The following N4BP2L2 variants were observed in gnomAD, a reference collection of about 807,000 sequenced individuals.
N4BP2L2 encodes the protein NEDD4 binding protein 2 like 2, also known as NEDD4-binding protein 2-like 2.
In N4BP2L2, 50 loss-of-function variants were observed where a neutral mutation model predicts 56.2. The ratio of observed to expected loss-of-function variants is 0.89; its 90% confidence interval spans 0.71 to 1.13. N4BP2L2 has a LOEUF of 1.13. N4BP2L2 is among the 50% of genes most tolerant of loss of function. The probability of loss-of-function intolerance (pLI) is 0.00; values close to 1 mark genes in which losing one functional copy is unlikely to be tolerated. For missense variants in N4BP2L2, 689 were observed against 693.8 expected (o/e 0.99, Z 0.08); for synonymous variants, 203 against 223.6 (o/e 0.91, Z 0.82).
At chr13:32,529,532 T>C (rs2054023946) in intron 2 of N4BP2L2, among the ~76,000 whole-genome samples, 1 of 152,216 alleles carries the variant, frequency 6.6e-6, no homozygotes, top group Non-Finnish European at 1.5e-5. Flanking sequence ...ATTAGCATTC[T>C]AAAGCAAAAC....
chr13:32,444,553 C>T (rs2076758049), intron 6 of N4BP2L2, among the ~76,000 whole-genome samples: 1 of 152,136 alleles, frequency 6.6e-6, no homozygotes, highest in South Asian at 2.1e-4. Context: ...AGGCATGAGC[C>T]ACTGCGCTGG....
chr13:32,454,234 G>A (rs1203150104), intron 6 of N4BP2L2, among the ~76,000 whole-genome samples: 1 of 152,124 alleles, frequency 6.6e-6, no homozygotes, highest in Non-Finnish European at 1.5e-5. Context: ...ACACAAAGAT[G>A]GAGCATTTTT....
intron 6 of N4BP2L2, among the ~76,000 whole-genome samples, chr13:32,497,864 CCAAA>C (rs1183535923): frequency 2.6e-5 from 4 of 152,176 alleles, no homozygotes; most frequent in African/African-American, 9.7e-5. Context: ...ATGCTGCACA[CCAAA>C]CAGTGCTACT....
chr13:32,481,918 G>T (rs1347858776), intron 6 of N4BP2L2, among the ~76,000 whole-genome samples: 1 of 152,128 alleles, frequency 6.6e-6, no homozygotes, highest in Non-Finnish European at 1.5e-5. Context: ...TTTATGTAAT[G>T]AATTTTACAG....
chr13:32,536,190 GACCATAGGGCACTATAA>G lies in N4BP2L2; in HGVS notation c.821_837del (p.Phe274SerfsTer31), dbSNP rs1345450896. On this transcript the variant is annotated frameshift_variant, in exon 2 of 6. Coordinates refer to ENST00000267068, the Ensembl canonical transcript of N4BP2L2. LOFTEE classifies it high-confidence loss of function. ...TGATAGTTCAAACTGGGAAGAGGGG[GACCATAGGGCACTATAA>G]AAGGATATACTGACTGCCATTCAGG... The G allele has an allele frequency of 5.0e-6, 8 of 1,613,952 alleles. No homozygotes were observed. The Admixed American group carries it at 8.3e-5, about 17-fold the overall frequency.
chr13:32,461,488 A>G (rs2080062597), intron 6 of N4BP2L2, among the ~76,000 whole-genome samples: 1 of 152,266 alleles, frequency 6.6e-6, no homozygotes, highest in South Asian at 2.1e-4. Flanking sequence ...GACATTTCTC[A>G]AAAGAAGATA....
intron 6 of N4BP2L2, among the ~76,000 whole-genome samples, chr13:32,472,165 A>C (rs2082430923): frequency 1.3e-5 from 2 of 152,238 alleles, no homozygotes; most frequent in Non-Finnish European, 2.9e-5. Context: ...TTAATAAAAA[A>C]AGGTGGAGGA....
Position 32,536,549 on chromosome 13 carries a change from TTC to T in N4BP2L2, c.477_478del (p.Lys160IlefsTer2), listed in dbSNP as rs749374082. On this transcript the variant is annotated frameshift_variant, in exon 2 of 6. Coordinates refer to ENST00000267068, the Ensembl canonical transcript of N4BP2L2. LOFTEE classifies it high-confidence loss of function. ...AATCTCTGATTTTTCAGAGTTAAATTTCTGTTTCTCTTTTTGTCCTCCTCTGT... is the reference window on the plus strand; with the variant it reads ...AATCTCTGATTTTTCAGAGTTAAATTTGTTTCTCTTTTTGTCCTCCTCTGT... 2.6e-5 allele frequency: 42 copies of T among 1,613,844 alleles called. No homozygotes were observed. The highest frequency in any genetic ancestry group is 3.1e-5 in the Non-Finnish European group (36 of 1,179,984).
intron 9 of N4BP2L2, among the ~76,000 whole-genome samples, chr13:32,434,968 A>C (rs999836793): frequency 6.6e-6 from 1 of 151,956 alleles, no homozygotes; most frequent in Admixed American, 6.6e-5. Context: ...GACAGAAAAG[A>C]CTCCTGAAAT....
At chr13:32,468,217 G>C (rs1338204339) in intron 6 of N4BP2L2, among the ~76,000 whole-genome samples, 1 of 149,386 alleles carries the variant, frequency 6.7e-6, no homozygotes, top group Admixed American at 6.7e-5. Flanking sequence ...ATGAGAGAAT[G>C]GAATAGAACA....
intron 6 of N4BP2L2, chr13:32,477,959 TG>T (rs1343494750): frequency 2.2e-5 from 28 of 1,289,306 alleles, no homozygotes; most frequent in Admixed American, 6.9e-5. Context: ...CTCTTGGTCA[TG>T]TCCTTGATTC....
At chr13:32,534,846 T>A (rs977644726) in intron 2 of N4BP2L2, among the ~76,000 whole-genome samples, 2 of 152,222 alleles carry the variant, frequency 1.3e-5, no homozygotes, top group Non-Finnish European at 2.9e-5. Flanking sequence ...TCATCTTATA[T>A]AAACTCAAGA....
chr13:32,458,968 A>G (rs1239689870), intron 6 of N4BP2L2, among the ~76,000 whole-genome samples: 1 of 152,238 alleles, frequency 6.6e-6, no homozygotes, highest in Non-Finnish European at 1.5e-5. Context: ...GAATAAAATT[A>G]GAAGTCAATA....
In N4BP2L2 at chr13:32,527,514, A is replaced by AT. The variant is rs1369781708; in HGVS notation, c.1277dup (p.Asn426LysfsTer3). On this transcript the variant is annotated frameshift_variant, in exon 3 of 6. Transcript: ENST00000267068. LOFTEE classifies it high-confidence loss of function. Reference sequence around the variant, plus strand: ...CAGTGCTGAACACAATGCCATCACGATTCTGACCAAGCAGAATTCTGTTAA... The same window carrying AT: ...CAGTGCTGAACACAATGCCATCACGATTTCTGACCAAGCAGAATTCTGTTAA... 1 of 1,613,022 alleles carries AT rather than the reference A, an allele frequency of 6.2e-7. No individual in the cohort carries two copies. The highest frequency in any genetic ancestry group is 1.7e-5 in the Admixed American group (1 of 59,938).
exon 10 of N4BP2L2, chr13:32,432,534 A>G (rs1395496086): frequency 6.6e-6 from 1 of 152,204 alleles, no homozygotes; most frequent in East Asian, 1.9e-4. Flanking sequence ...AGTGGTTAAG[A>G]TGGTAAATTT....
intron 6 of N4BP2L2, among the ~76,000 whole-genome samples, chr13:32,483,318 C>T (rs912271421): frequency 5.9e-5 from 9 of 152,166 alleles, no homozygotes; most frequent in African/African-American, 2.2e-4. Flanking sequence ...CAGAGAAGGG[C>T]CATTTCACTT....
rs533985609 is a variant in N4BP2L2, at chr13:32,519,350, A to C, written c.1551-1347T>G. ...CTTGAGTCCAGGAGGAAGAGGTTGC[A>C]GTGAGCCAAGATCGTCACTGCAAGC... is the stretch of plus-strand genomic sequence containing the variant. On this transcript the variant is annotated intron_variant, in intron 5 of 5. Transcript: ENST00000267068. 2.0e-5 allele frequency among the ~76,000 whole-genome samples: 3 copies of C among 152,164 alleles called. No individual in the cohort carries two copies. In the South Asian group the frequency reaches 6.2e-4, roughly 32 times the overall value.
chr13:32,511,346 A>T (rs1255377290), exon 6 of N4BP2L2: 1 of 152,222 alleles, frequency 6.6e-6, no homozygotes, highest in African/African-American at 2.4e-5. Flanking sequence ...CTTCAAAATC[A>T]TTCAGTTAAG....
At chr13:32,493,514 C>T (rs980255318) in intron 6 of N4BP2L2, among the ~76,000 whole-genome samples, 10 of 152,262 alleles carry the variant, frequency 6.6e-5, no homozygotes, top group Non-Finnish European at 1.0e-4. Context: ...TGTAACTTCT[C>T]GTTTCTTTAT....
Sources: gnomAD v4.1 joint callset for allele counts (sites outside exome capture counted in the v4.1 genomes callset) on GRCh38, gnomAD v4.1.1 for gene constraint, MANE v1.5 for transcripts, NCBI Gene and HGNC (gene_info 2026-07-23, HGNC 2026-07-21) for gene names.